CSNK1G3: variants seen among roughly 807,000 people sequenced by gnomAD.
The protein encoded by CSNK1G3 is casein kinase 1 gamma 3, also known as casein kinase I isoform gamma-3.
In CSNK1G3, 23 loss-of-function variants were observed where a neutral mutation model predicts 64.3. The ratio of observed to expected loss-of-function variants is 0.36; its 90% CI spans 0.26 to 0.51. The LOEUF (loss-of-function observed/expected upper bound fraction) is 0.51, where lower values mean the gene tolerates loss of function less well. Among genes scored for constraint, CSNK1G3 ranks in the 20% least tolerant of loss-of-function variants. The pLI is 0.96. For missense variants in CSNK1G3, 357 were observed against 510.5 expected (o/e 0.70, Z 2.90); for synonymous variants, 158 against 162.2 (o/e 0.97, Z 0.20).
chr5:123,576,086 T>C (rs1012894410), intron 6 of CSNK1G3, 123 bp downstream of exon 6: 1 of 596,666 alleles, frequency 1.7e-6, no homozygotes. Flanking sequence ...TTTTCATTTA[T>C]CACATCTACC....
chr5:123,532,333 C>A (rs1010328911), intron 1 of CSNK1G3, among the ~76,000 whole-genome samples: 8 of 151,602 alleles, frequency 5.3e-5, no homozygotes, highest in Admixed American at 5.3e-4. Context: ...TTTTCTTCAT[C>A]CTTTTTGTAG....
At chr5:123,607,755 A>G (rs904173831) in intron 12 of CSNK1G3, among the ~76,000 whole-genome samples, 1 of 152,200 alleles carries the variant, frequency 6.6e-6, no homozygotes, top group African/African-American at 2.4e-5. Context: ...TGTTTTAAAA[A>G]AAGTATAGCA....
chr5:123,532,989 A>G (rs1780179704), intron 1 of CSNK1G3, among the ~76,000 whole-genome samples: 5 of 151,940 alleles, frequency 3.3e-5, no homozygotes, highest in South Asian at 2.1e-4. Flanking sequence ...TACTATGTCA[A>G]ATTTTTGTAT....
At chr5:123,512,764 T>G (rs1221190841) in intron 1 of CSNK1G3, among the ~76,000 whole-genome samples, 194 bp downstream of exon 1, 2 of 141,658 alleles carry the variant, frequency 1.4e-5, no homozygotes, top group East Asian at 2.1e-4. Context: ...CCCGGAGGCG[T>G]GGGCAGGAGG....
rs564508081 is a variant in CSNK1G3, at chr5:123,577,702, CTTATT to C, written c.673+1745_673+1749del. Reference sequence around the variant, plus strand: ...TAATAGAATTATAACATTTGTAATTCTTATTTTATTGAAGAGTTTTTTTTTTATTG... The same window carrying C: ...TAATAGAATTATAACATTTGTAATTCTTATTGAAGAGTTTTTTTTTTATTG... On this transcript the variant is annotated intron_variant, in intron 6 of 12. Coordinates refer to ENST00000345990, the Ensembl canonical transcript of CSNK1G3. 5.2e-4 allele frequency among the ~76,000 whole-genome samples: 78 copies of C among 151,388 alleles called. 1 individual carries two copies. The South Asian group carries it at 0.015, about 29-fold the overall frequency.
intron 6 of CSNK1G3, among the ~76,000 whole-genome samples, chr5:123,584,655 T>A (rs1444389313): frequency 1.3e-5 from 2 of 152,196 alleles, no homozygotes; most frequent in East Asian, 3.8e-4. Context: ...CCTGGGTTTA[T>A]GTAGAATTGG....
rs144949689 is a variant in CSNK1G3, at chr5:123,530,244, G to A, written c.-247-15173G>A. Among the ~76,000 whole-genome samples the A allele has an allele frequency of 6.0e-3, 920 of 152,192 alleles. 8 individuals are homozygous for A. Among genetic ancestry groups the A allele is most frequent in the Middle Eastern group, 0.014 (4 of 294 alleles). On this transcript the variant is annotated intron_variant, in intron 1 of 12. Coordinates refer to ENST00000345990, the Ensembl canonical transcript of CSNK1G3. Reference sequence around the variant, plus strand: ...CATTTTGAGGACCTATGAAACGGTCGTATTGTAGTTACTGGAGAACAGTGA... The same window carrying A: ...CATTTTGAGGACCTATGAAACGGTCATATTGTAGTTACTGGAGAACAGTGA...
At chr5:123,521,098 T>TA (rs1413771402) in intron 1 of CSNK1G3, among the ~76,000 whole-genome samples, 1 of 152,134 alleles carries the variant, frequency 6.6e-6, no homozygotes, top group Admixed American at 6.5e-5. Context: ...AATAGTCTAG[T>TA]ATTGTTTTGG....
At chr5:123,598,818 A>G (rs907889992) in intron 10 of CSNK1G3, among the ~76,000 whole-genome samples, 1 of 152,164 alleles carries the variant, frequency 6.6e-6, no homozygotes, top group Non-Finnish European at 1.5e-5. Flanking sequence ...TTTGCTGGAC[A>G]CTAGATTGAA....
At chr5:123,568,871 ATAGTC>A (rs1418219804) in intron 4 of CSNK1G3, among the ~76,000 whole-genome samples, 1 of 152,230 alleles carries the variant, frequency 6.6e-6, no homozygotes, top group Non-Finnish European at 1.5e-5. Context: ...CATCATTTCC[ATAGTC>A]TAAAGTAAAT....
chr5:123,523,643 T>C (rs559332940), intron 1 of CSNK1G3, among the ~76,000 whole-genome samples: 1 of 152,294 alleles, frequency 6.6e-6, no homozygotes, highest in East Asian at 1.9e-4. Flanking sequence ...TAGGAGACTT[T>C]TAGAATTATT....
At chr5:123,526,358 AT>A (rs1009675431) in intron 1 of CSNK1G3, among the ~76,000 whole-genome samples, 3 of 151,494 alleles carry the variant, frequency 2.0e-5, no homozygotes, top group East Asian at 1.9e-4. Flanking sequence ...CTAGAAATCA[AT>A]TTTTTTTTAA....
At chr5:123,594,008 G>A (rs529582351) in intron 10 of CSNK1G3, among the ~76,000 whole-genome samples, 1 of 152,142 alleles carries the variant, frequency 6.6e-6, no homozygotes, top group East Asian at 1.9e-4. Flanking sequence ...TAGTATTATT[G>A]GAAGAGCATT....
chr5:123,534,741 C>T (rs533394373), intron 1 of CSNK1G3, among the ~76,000 whole-genome samples: 1 of 152,188 alleles, frequency 6.6e-6, no homozygotes, highest in South Asian at 2.1e-4. Context: ...AGTGTCTAGC[C>T]AATACCTTGA....
intron 4 of CSNK1G3, among the ~76,000 whole-genome samples, chr5:123,568,805 T>C (rs1299426457): frequency 1.3e-5 from 2 of 152,230 alleles, no homozygotes; most frequent in Non-Finnish European, 2.9e-5. Context: ...CACTGCTATA[T>C]ACGACCCATT....
At chr5:123,597,277 A>G (rs554859426) in intron 10 of CSNK1G3, among the ~76,000 whole-genome samples, 1 of 152,290 alleles carries the variant, frequency 6.6e-6, no homozygotes, top group South Asian at 2.1e-4. Flanking sequence ...CAGGAGATGC[A>G]AAGACTTTAT....
At chr5:123,581,218 G>GT (rs1335802087) in intron 6 of CSNK1G3, among the ~76,000 whole-genome samples, 4 of 151,148 alleles carry the variant, frequency 2.6e-5, no homozygotes, top group East Asian at 1.9e-4. Flanking sequence ...TCAGGGTATA[G>GT]TTTTTTTTAT....
intron 11 of CSNK1G3, among the ~76,000 whole-genome samples, chr5:123,605,054 C>T (rs1217356244): frequency 1.3e-5 from 2 of 151,914 alleles, no homozygotes; most frequent in Non-Finnish European, 2.9e-5. Context: ...TGTTCAAATT[C>T]TTATTTGGAA....
chr5:123,531,322 A>G (rs1280798545), intron 1 of CSNK1G3, among the ~76,000 whole-genome samples: 2 of 152,064 alleles, frequency 1.3e-5, no homozygotes, highest in African/African-American at 4.8e-5. Context: ...TAGACTTAAG[A>G]CTAAGACTTA....
Sources: gnomAD v4.1 joint callset for allele counts (sites outside exome capture counted in the v4.1 genomes callset) on GRCh38, gnomAD v4.1.1 for gene constraint, MANE v1.5 for transcripts, NCBI Gene and HGNC (gene_info 2026-07-23, HGNC 2026-07-21) for gene names.